CNTN4: variants seen among roughly 807,000 people sequenced by gnomAD.
The protein encoded by CNTN4 is contactin-4.
In CNTN4, 77 loss-of-function variants were observed where a neutral mutation model predicts 122.5. The observed-to-expected ratio is 0.63, with a 90% CI of 0.52 to 0.76. The LOEUF (loss-of-function observed/expected upper bound fraction) is 0.76, where lower values mean the gene tolerates loss of function less well. CNTN4 is among the 30% of genes least tolerant of loss of function. The probability of loss-of-function intolerance (pLI) is 0.00; values close to 1 mark genes in which losing one functional copy is unlikely to be tolerated. For synonymous variants in CNTN4, 512 were observed against 447.0 expected (o/e 1.15, Z -1.83); for missense variants, 1,256 against 1,259.1 (o/e 1.00, Z 0.04).
At chr3:2,239,233 G>A (rs756939236) in intron 2 of CNTN4, among the ~76,000 whole-genome samples, 7 of 151,960 alleles carry the variant, frequency 4.6e-5, no homozygotes, top group East Asian at 1.9e-4. Flanking sequence ...ATTTGGTTAC[G>A]CAGTTGCCGA....
rs1449754732 is a variant in CNTN4 at position 2,714,692 on chromosome 3, C to T, written c.56-21523C>T. ...AGCTTACTCAGCCTGTGTTCATTCC[C>T]GTCGGGGTTGGGAGTGGTATAGGAA... On this transcript the variant is annotated intron_variant, in intron 4 of 24. Transcript: ENST00000418658. Among the ~76,000 whole-genome samples, 7 of 152,192 alleles carry T rather than the reference C, an allele frequency of 4.6e-5. 1 individual carries two copies. Among genetic ancestry groups the T allele is most frequent in the African/African-American group, 9.6e-5 (4 of 41,534 alleles).
chr3:2,160,638 C>T lies in CNTN4; in HGVS notation c.-145+59999C>T, dbSNP rs2035923580. Among the ~76,000 whole-genome samples the T allele has an allele frequency of 3.3e-5, 5 of 152,254 alleles. No individual in the cohort carries two copies. The South Asian group carries it at 1.0e-3, about 32-fold the overall frequency. ...CTCTCATAATCATCACTCTGATCAC[C>T]TGTCTATGTTTGTGTCATCACACAG... On this transcript the variant is annotated intron_variant, in intron 2 of 24. Coordinates refer to ENST00000418658, the MANE Select transcript of CNTN4 (RefSeq NM_175607.3).
At chr3:2,916,453 C>T (rs1461853598) in intron 12 of CNTN4, among the ~76,000 whole-genome samples, 2 of 149,774 alleles carry the variant, frequency 1.3e-5, no homozygotes, top group Non-Finnish European at 1.5e-5. Context: ...GCACATCTTG[C>T]ACCGCCCTTA....
At chr3:2,288,266 C>G (rs1410313095) in intron 2 of CNTN4, among the ~76,000 whole-genome samples, 1 of 152,124 alleles carries the variant, frequency 6.6e-6, no homozygotes, top group African/African-American at 2.4e-5. Context: ...GTGCTGGCAC[C>G]TGCTTCTGGT....
intron 2 of CNTN4, among the ~76,000 whole-genome samples, chr3:2,104,427 T>C (rs890985454): frequency 6.6e-6 from 1 of 152,200 alleles, no homozygotes; most frequent in African/African-American, 2.4e-5. Context: ...CTTGCTCATG[T>C]GTGGTAGTTC....
chr3:2,633,787 A>G (rs2082543185), intron 4 of CNTN4, among the ~76,000 whole-genome samples: 1 of 152,206 alleles, frequency 6.6e-6, no homozygotes, highest in South Asian at 2.1e-4. Context: ...TGACCTCAAA[A>G]TCTACCTCCT....
At chr3:2,184,436 C>T (rs966893246) in intron 2 of CNTN4, among the ~76,000 whole-genome samples, 9 of 152,066 alleles carry the variant, frequency 5.9e-5, no homozygotes, top group Non-Finnish European at 1.2e-4. Context: ...TTGGTGGAAC[C>T]AGCTTGGGAA....
chr3:2,745,501 A>C, intron 5 of CNTN4, 21 bp from the exon 6 acceptor site: 1 of 1,589,302 alleles, frequency 6.3e-7, no homozygotes, highest in Non-Finnish European at 8.6e-7. Flanking sequence ...GACTTTATCT[A>C]CTGGCATTTT....
At chr3:2,120,063 A>C (rs1403537072) in intron 2 of CNTN4, among the ~76,000 whole-genome samples, 1 of 151,976 alleles carries the variant, frequency 6.6e-6, no homozygotes. Flanking sequence ...GGCAACGAAG[A>C]CAGCATGTAA....
At chr3:2,685,617 A>C (rs949645030) in intron 4 of CNTN4, among the ~76,000 whole-genome samples, 4 of 152,156 alleles carry the variant, frequency 2.6e-5, no homozygotes, top group African/African-American at 9.7e-5. Context: ...CATGGTATTG[A>C]TTTAAATGAG....
chr3:2,236,409 G>A (rs185923801), intron 2 of CNTN4, among the ~76,000 whole-genome samples: 3 of 152,296 alleles, frequency 2.0e-5, no homozygotes, highest in African/African-American at 7.2e-5. Context: ...GACGTCATGT[G>A]TGTGGAAGCA....
chr3:2,710,963 G>A (rs967837393), intron 4 of CNTN4, among the ~76,000 whole-genome samples: 1 of 152,172 alleles, frequency 6.6e-6, no homozygotes, highest in African/African-American at 2.4e-5. Flanking sequence ...TTATCTAGCA[G>A]GGACAATGCG....
chr3:2,776,042 C>G (rs1483986570), intron 6 of CNTN4, among the ~76,000 whole-genome samples: 1 of 152,104 alleles, frequency 6.6e-6, no homozygotes, highest in Admixed American at 6.6e-5. Flanking sequence ...ATGTGTCAAC[C>G]TTAATAACCG....
At chr3:2,294,964 G>C (rs1313685025) in intron 2 of CNTN4, among the ~76,000 whole-genome samples, 5 of 152,040 alleles carry the variant, frequency 3.3e-5, no homozygotes, top group Non-Finnish European at 5.9e-5. Context: ...TGCTGAGAAT[G>C]ATGGTTTCCA....
intron 4 of CNTN4, among the ~76,000 whole-genome samples, chr3:2,662,425 C>G (rs1260118263): frequency 6.6e-6 from 1 of 152,158 alleles, no homozygotes; most frequent in African/African-American, 2.4e-5. Flanking sequence ...ACATCAACAT[C>G]CAGCTGCTAA....
At chr3:2,563,927 AAAAG>A (rs944731973) in intron 3 of CNTN4, among the ~76,000 whole-genome samples, 9 of 152,114 alleles carry the variant, frequency 5.9e-5, no homozygotes, top group Non-Finnish European at 7.4e-5. Context: ...TATAAAAAAA[AAAAG>A]AAAAGCAGTA....
chr3:3,046,556 TC>T (rs1700678104), intron 23 of CNTN4, among the ~76,000 whole-genome samples: 1 of 151,938 alleles, frequency 6.6e-6, no homozygotes, highest in Admixed American at 6.5e-5. Context: ...AGAAATAAAA[TC>T]CTTTACAGAC....
At chr3:2,850,861 T>G (rs891683734) in intron 7 of CNTN4, among the ~76,000 whole-genome samples, 4 of 152,196 alleles carry the variant, frequency 2.6e-5, no homozygotes, top group African/African-American at 9.7e-5. Context: ...GGGAAACTTT[T>G]AACTTAAGAA....
chr3:2,219,498 C>A (rs1401139045), intron 2 of CNTN4, among the ~76,000 whole-genome samples: 1 of 152,068 alleles, frequency 6.6e-6, no homozygotes, highest in Non-Finnish European at 1.5e-5. Flanking sequence ...GCATCCTTTT[C>A]CTGTTTATTA....
Sources: allele counts gnomAD v4.1 joint callset (sites outside exome capture counted in the v4.1 genomes callset), GRCh38; gene constraint gnomAD v4.1.1; transcripts MANE v1.5; gene names NCBI Gene and HGNC (gene_info 2026-07-23, HGNC 2026-07-21).